CDH4: variants seen among roughly 807,000 people sequenced by gnomAD.
CDH4 encodes the protein cadherin-4.
CDH4 carries 33 observed loss-of-function variants against 86.0 expected under a neutral mutation model. The observed-to-expected ratio is 0.38, with a 90% CI of 0.29 to 0.51. The LOEUF (loss-of-function observed/expected upper bound fraction) is 0.51. Among genes scored for constraint, CDH4 ranks in the 20% least tolerant of loss-of-function variants. CDH4 has a pLI of 0.86. For synonymous variants in CDH4, 555 were observed against 549.4 expected, an observed-to-expected ratio of 1.01 and a Z score of -0.14; for missense variants, 1,114 against 1,307.4, an observed-to-expected ratio of 0.85 and a Z score of 2.28.
In CDH4 at chr20:61,684,776, C is replaced by T. The variant is rs567342087; in HGVS notation, c.170-58787C>T. ...ACAGCAGCCTCCCTCAATCTGCAGC[C>T]CACAGCCGCCTGCCGTGACCACCCC... On this transcript the variant is annotated intron_variant, in intron 2 of 15. Coordinates refer to ENST00000614565, the MANE Select transcript of CDH4 (RefSeq NM_001794.5). The surrounding 1 kb of genome is among the most constrained non-coding windows in gnomAD (Gnocchi z 4.5). 2.6e-5 allele frequency among the ~76,000 whole-genome samples: 4 copies of T among 152,188 alleles called. No individual in the cohort carries two copies. The highest frequency in any genetic ancestry group is 5.9e-5 in the Non-Finnish European group (4 of 68,034).
chr20:61,606,883 C>A (rs921338794), intron 2 of CDH4, among the ~76,000 whole-genome samples: 2 of 152,258 alleles, frequency 1.3e-5, no homozygotes, highest in Non-Finnish European at 2.9e-5. Context: ...AGACCAGCTC[C>A]AGGCTACCGC....
In CDH4 at chr20:61,649,659, G is replaced by A. The variant is rs779926496; in HGVS notation, c.170-93904G>A. Among the ~76,000 whole-genome samples the A allele has an allele frequency of 6.6e-5, 10 of 152,210 alleles. No homozygotes were observed. The East Asian group carries it at 1.2e-3, about 18-fold the overall frequency. On this transcript the variant is annotated intron_variant, in intron 2 of 15. Coordinates refer to ENST00000614565, the MANE Select transcript of CDH4 (RefSeq NM_001794.5). ...CGGGAGCGCGCGTGGCTGAACGGGG[G>A]CTCGGTATCCACTTTGGAAGATTGG... is the stretch of plus-strand genomic sequence containing the variant.
Position 61,434,159 on chromosome 20 carries a change from G to A in CDH4, c.169+179222G>A, listed in dbSNP as rs148853350. 4.3e-3 allele frequency among the ~76,000 whole-genome samples: 650 copies of A among 152,284 alleles called. 8 individuals are homozygous for A. The highest frequency in any genetic ancestry group is 0.015 in the Admixed American group (228 of 15,306). On this transcript the variant is annotated intron_variant, in intron 2 of 15. Coordinates refer to ENST00000614565, the MANE Select transcript of CDH4 (RefSeq NM_001794.5). ...CACAGGTCAAATCAGCCAGTAACTC[G>A]TGGAACTAACCCACGAGTGGTGTTT...
At chr20:61,664,407 G>T (rs189323052) in intron 2 of CDH4, among the ~76,000 whole-genome samples, 326 of 152,316 alleles carry the variant, frequency 2.1e-3, no homozygotes, top group Non-Finnish European at 3.5e-3. Flanking sequence ...CCACAGCTGG[G>T]GCATGGGGAG....
chr20:61,372,055 T>C (rs956988113), intron 2 of CDH4, among the ~76,000 whole-genome samples: 20 of 152,218 alleles, frequency 1.3e-4, no homozygotes, highest in Non-Finnish European at 2.9e-5. Context: ...GTGTTTGGAT[T>C]CCATACTTTT....
At chr20:61,763,182 CA>C (rs1232551752) in intron 3 of CDH4, among the ~76,000 whole-genome samples, 1 of 152,210 alleles carries the variant, frequency 6.6e-6, no homozygotes, top group Non-Finnish European at 1.5e-5. Context: ...GATCTGGTGT[CA>C]GGGAATTTGA....
intron 2 of CDH4, among the ~76,000 whole-genome samples, chr20:61,479,119 C>T (rs2085555209): frequency 6.6e-6 from 1 of 152,038 alleles, no homozygotes; most frequent in South Asian, 2.1e-4. Flanking sequence ...CCTCCGTATG[C>T]AATGTGTGTT....
intron 2 of CDH4, among the ~76,000 whole-genome samples, chr20:61,496,216 A>C (rs954728927): frequency 6.6e-6 from 1 of 151,924 alleles, no homozygotes; most frequent in Admixed American, 6.6e-5. Flanking sequence ...TCTGGGCAAC[A>C]CAGTGAGACC....
At chr20:61,877,060 G>A (rs1984058563) in intron 7 of CDH4, among the ~76,000 whole-genome samples, 1 of 152,162 alleles carries the variant, frequency 6.6e-6, no homozygotes, top group Admixed American at 6.5e-5. Flanking sequence ...AGCTGGCCTG[G>A]TGCACCCTAC....
intron 11 of CDH4, among the ~76,000 whole-genome samples, chr20:61,926,366 G>A (rs1397093267): frequency 4.6e-5 from 7 of 152,192 alleles, no homozygotes; most frequent in Admixed American, 2.0e-4. Flanking sequence ...TTGTGCAAAC[G>A]CTCGTCCCAT....
intron 2 of CDH4, chr20:61,570,838 C>T: frequency 1.4e-6 from 1 of 699,816 alleles, no homozygotes. Context: ...GTTTTCTTCC[C>T]CTTCCAAGTG....
intron 2 of CDH4, among the ~76,000 whole-genome samples, chr20:61,592,851 C>A (rs1424558510): frequency 6.6e-6 from 1 of 152,086 alleles, no homozygotes; most frequent in Non-Finnish European, 1.5e-5. Context: ...AAATAATGAC[C>A]CCCCAGATGT....
At chr20:61,515,082 A>C (rs141451017) in intron 2 of CDH4, among the ~76,000 whole-genome samples, 206 of 152,376 alleles carry the variant, frequency 1.4e-3, no homozygotes, top group African/African-American at 4.9e-3. Flanking sequence ...ACGATCATGT[A>C]GCGAGTTCAG....
intron 2 of CDH4, among the ~76,000 whole-genome samples, chr20:61,502,423 G>A (rs1409989258): frequency 2.0e-5 from 3 of 152,186 alleles, no homozygotes; most frequent in African/African-American, 7.2e-5. Flanking sequence ...ATGAGGCAAA[G>A]GTTGTTCTCT....
intron 2 of CDH4, among the ~76,000 whole-genome samples, chr20:61,695,929 C>T (rs1054405111): frequency 6.6e-6 from 1 of 152,192 alleles, no homozygotes; most frequent in East Asian, 1.9e-4. Flanking sequence ...CGGCCTCACC[C>T]ACCCGCTGCC....
chr20:61,700,749 C>A (rs2145884748), intron 2 of CDH4, among the ~76,000 whole-genome samples: 1 of 152,258 alleles, frequency 6.6e-6, no homozygotes, highest in East Asian at 1.9e-4. Flanking sequence ...TCATGGGTGT[C>A]TTCTTCATGT....
At chr20:61,519,865 C>G (rs913975166) in intron 2 of CDH4, among the ~76,000 whole-genome samples, 2 of 152,186 alleles carry the variant, frequency 1.3e-5, no homozygotes, top group Non-Finnish European at 2.9e-5. Context: ...TGACCGCTGT[C>G]TAGAAGGGCC....
In CDH4 at chr20:61,810,205, A is replaced by G. The variant is rs1980362855; in HGVS notation, c.577-34463A>G. Among the ~76,000 whole-genome samples the G allele has an allele frequency of 6.6e-6, 1 of 152,174 alleles. No homozygotes were observed. Among genetic ancestry groups the G allele is most frequent in the African/African-American group, 2.4e-5 (1 of 41,458 alleles). On this transcript the variant is annotated intron_variant, in intron 4 of 15. Transcript: ENST00000614565. This position sits in a 1 kb window ranked among gnomAD's most constrained non-coding sequence, Gnocchi z 4.3. ...GGGTGAGGGAGGCCGGGCCAGCCAC[A>G]CTAACATCCCACTGGCAGACCCCGG...
intron 9 of CDH4, among the ~76,000 whole-genome samples, chr20:61,921,744 C>T (rs1261362407): frequency 3.4e-5 from 2 of 57,974 alleles, no homozygotes; most frequent in Non-Finnish European, 6.7e-5. Context: ...GAGGAAGACT[C>T]TGTCAAAAAA....
Sources: gnomAD v4.1 joint callset for allele counts (sites outside exome capture counted in the v4.1 genomes callset) on GRCh38, gnomAD v4.1.1 for gene constraint, Gnocchi (gnomAD v3.1) non-coding constraint, MANE v1.5 for transcripts, NCBI Gene and HGNC (gene_info 2026-07-23, HGNC 2026-07-21) for gene names.